The following STK17B variants were observed in gnomAD, a reference collection of about 807,000 sequenced individuals.
STK17B encodes the protein serine/threonine kinase 17b, also known as serine/threonine-protein kinase 17B.
A neutral mutation model predicts 42.0 loss-of-function variants in STK17B; 21 were observed. The ratio of observed to expected loss-of-function variants is 0.50; its 90% CI spans 0.35 to 0.72. The LOEUF (loss-of-function observed/expected upper bound fraction) is 0.72. Among genes scored for constraint, STK17B ranks in the 30% least tolerant of loss-of-function variants. The probability of loss-of-function intolerance (pLI) is 0.00; values close to 1 mark genes in which losing one functional copy is unlikely to be tolerated. For missense variants in STK17B, 349 were observed against 446.0 expected (o/e 0.78, Z 1.96); for synonymous variants, 143 against 148.4 (o/e 0.96, Z 0.26).
In STK17B at chr2:196,143,691, A is replaced by C; in HGVS notation, c.481-5T>G. On this transcript the variant is annotated splice_region_variant and splice_polypyrimidine_tract_variant and intron_variant, in intron 4 of 7. Coordinates refer to ENST00000263955, the MANE Select transcript of STK17B (RefSeq NM_004226.4). The stretch of plus-strand genomic sequence containing the variant: ...GCTCAGTAATATATTCTGTGGCTAA[A>C]CAAAGTACAACAAAAACATGATAAG... 6.7e-7 allele frequency: 1 copy of C among 1,501,386 alleles called. No homozygotes were observed. Among genetic ancestry groups the C allele is most frequent in the Non-Finnish European group, 8.9e-7 (1 of 1,124,282 alleles). The allele number at this position is 1,501,386 out of a possible 1,614,324, so 93.0% of individuals were successfully genotyped here. A position where few individuals can be genotyped will look rare whatever the true frequency, so the allele number is the denominator to read the frequency against.
At position 196,135,270 on chromosome 2, in the gene STK17B, C is replaced by T. The variant is rs1699381805; in HGVS notation, c.*2177G>A. On this transcript the variant is annotated 3_prime_UTR_variant, in exon 8 of 8. Coordinates refer to ENST00000263955, the MANE Select transcript of STK17B (RefSeq NM_004226.4). Reference sequence around the variant, plus strand: ...TTTCATTATCCAATGACTTACTAAACTTTACTTGCATTATCTTAATACCAA... The same window carrying T: ...TTTCATTATCCAATGACTTACTAAATTTTACTTGCATTATCTTAATACCAA... 6.6e-6 allele frequency: 1 copy of T among 152,098 alleles called. No homozygotes were observed. Among genetic ancestry groups the T allele is most frequent in the Non-Finnish European group, 1.5e-5 (1 of 68,002 alleles). 9.4% of individuals were successfully genotyped at this position (152,098 alleles called of 1,614,324 possible).
chr2:196,145,474 A>G (rs1468156518), intron 4 of STK17B, among the ~76,000 whole-genome samples: 3 of 152,198 alleles, frequency 2.0e-5, no homozygotes, highest in Non-Finnish European at 4.4e-5. Context: ...GAAGAAGCCA[A>G]AAGACTGAAA....
At chr2:196,173,846 A>G (rs934037765), upstream of STK17B, among the ~76,000 whole-genome samples, 2 of 152,134 alleles carry the variant, frequency 1.3e-5, no homozygotes, top group African/African-American at 4.8e-5. Flanking sequence ...TTGAAATTCT[A>G]ACCCTCAGGA....
chr2:196,137,290 G>A lies in STK17B; in HGVS notation c.*157C>T, dbSNP rs1037468618. The A allele has an allele frequency of 4.2e-6, 3 of 721,872 alleles. No individual in the cohort carries two copies. Among genetic ancestry groups the A allele is most frequent in the Admixed American group, 6.8e-5 (2 of 29,526 alleles). The allele number at this position is 721,872 out of a possible 1,614,324, so 44.7% of individuals were successfully genotyped here. A position where few individuals can be genotyped will look rare whatever the true frequency, so the allele number is the denominator to read the frequency against. On this transcript the variant is annotated 3_prime_UTR_variant, in exon 8 of 8. Coordinates refer to ENST00000263955, the MANE Select transcript of STK17B (RefSeq NM_004226.4). ...CAGGATATGAAATCATAACATGCTA[G>A]CAACTAGTAATTTAACATTAAAACA...
intron 3 of STK17B, among the ~76,000 whole-genome samples, chr2:196,152,071 T>C (rs777754711): frequency 5.3e-5 from 8 of 150,946 alleles, no homozygotes; most frequent in Non-Finnish European, 1.0e-4. Context: ...CTAGATTGAT[T>C]CATATAATTA....
At chr2:196,148,939 GCT>G (rs976148163) in intron 3 of STK17B, among the ~76,000 whole-genome samples, 3 of 152,134 alleles carry the variant, frequency 2.0e-5, no homozygotes, top group African/African-American at 7.2e-5. Context: ...TTTCACTCTA[GCT>G]CTGTCACTAA....
In STK17B at chr2:196,133,898, T is replaced by G. The variant is rs1388204007; in HGVS notation, c.*3549A>C. On this transcript the variant is annotated 3_prime_UTR_variant, in exon 8 of 8. Transcript: ENST00000263955. ...TCTTTAAAATACTTTTATAAAATTA[T>G]AAATTGATAATAATCCCCCCAAACT... The G allele has an allele frequency of 6.6e-6, 1 of 152,236 alleles. No homozygotes were observed. The highest frequency in any genetic ancestry group is 1.9e-4 in the East Asian group (1 of 5,206). 9.4% of individuals were successfully genotyped at this position (152,236 alleles called of 1,614,324 possible).
rs187649164 is a variant in STK17B at position 196,159,418 on chromosome 2, C to A, written c.123-2767G>T. Among the ~76,000 whole-genome samples the A allele has an allele frequency of 4.0e-5, 6 of 151,058 alleles. No individual in the cohort carries two copies. The East Asian group carries it at 1.2e-3, about 30-fold the overall frequency. On this transcript the variant is annotated intron_variant, in intron 2 of 7. Coordinates refer to ENST00000263955, the MANE Select transcript of STK17B (RefSeq NM_004226.4). ...CTCAACCTCCCAGGCTCAGAAGATTCTCTTACTTCAGCCTCCTGTGTAGCT... is the reference window on the plus strand; with the variant it reads ...CTCAACCTCCCAGGCTCAGAAGATTATCTTACTTCAGCCTCCTGTGTAGCT...
chr2:196,137,399 T>G lies in STK17B; in HGVS notation c.*48A>C, dbSNP rs1280854882. On this transcript the variant is annotated 3_prime_UTR_variant, in exon 8 of 8. Transcript: ENST00000263955. ...GCTACAAATCATAATCTCACTGGAG[T>G]GGATATAAAATTTCAAATTCAGTCC... 3 of 1,562,208 alleles carry G rather than the reference T, an allele frequency of 1.9e-6. No individual in the cohort carries two copies. The South Asian group carries it at 3.6e-5, about 19-fold the overall frequency.
chr2:196,151,675 CA>C (rs1699668087), intron 3 of STK17B, among the ~76,000 whole-genome samples: 1 of 152,062 alleles, frequency 6.6e-6, no homozygotes. Context: ...TTTAATTCTA[CA>C]AATATGCTTT....
chr2:196,142,321 G>T (rs908062878), intron 5 of STK17B, among the ~76,000 whole-genome samples: 2 of 152,146 alleles, frequency 1.3e-5, no homozygotes, highest in Non-Finnish European at 2.9e-5. Context: ...GCCTCCCAAA[G>T]TGCTGGGATT....
rs1392513943 is a variant in STK17B at position 196,134,873 on chromosome 2, A to T, written c.*2574T>A. 6.6e-6 allele frequency: 1 copy of T among 152,204 alleles called. No homozygotes were observed. Among genetic ancestry groups the T allele is most frequent in the East Asian group, 1.9e-4 (1 of 5,200 alleles). 9.4% of individuals were successfully genotyped at this position (152,204 alleles called of 1,614,324 possible). The stretch of plus-strand genomic sequence containing the variant: ...ATACATTATGCTTTTCAATCTTGGG[A>T]GAAAAAGAGTAAGAATTGAATCATT... On this transcript the variant is annotated 3_prime_UTR_variant, in exon 8 of 8. Transcript: ENST00000263955.
At position 196,156,656 on chromosome 2, in the gene STK17B, G is replaced by T; in HGVS notation, c.123-5C>A. On this transcript the variant is annotated splice_region_variant and splice_polypyrimidine_tract_variant and intron_variant, in intron 2 of 7. Transcript: ENST00000263955. The stretch of plus-strand genomic sequence containing the variant: ...CTAACCACAGCAAATTTTCCTCTGG[G>T]GGAAGATGAGAACAATCAATTTTAA... The T allele has an allele frequency of 6.2e-7, 1 of 1,604,202 alleles. No homozygotes were observed. The highest frequency in any genetic ancestry group is 8.5e-7 in the Non-Finnish European group (1 of 1,173,894).
chr2:196,150,033 GA>G (rs1699641674), intron 3 of STK17B, among the ~76,000 whole-genome samples: 1 of 151,976 alleles, frequency 6.6e-6, no homozygotes, highest in South Asian at 2.1e-4. Context: ...CGAAAATTAG[GA>G]AGACTTAAGA....
At chr2:196,149,836 A>T (rs1699639133) in intron 3 of STK17B, among the ~76,000 whole-genome samples, 1 of 152,212 alleles carries the variant, frequency 6.6e-6, no homozygotes, top group African/African-American at 2.4e-5. Flanking sequence ...AATGGGTGTT[A>T]CTTTTATAAT....
chr2:196,141,714 A>G (rs1034163292), intron 5 of STK17B, among the ~76,000 whole-genome samples: 9 of 152,194 alleles, frequency 5.9e-5, no homozygotes, highest in African/African-American at 1.9e-4. Flanking sequence ...ATATAAGACG[A>G]TAGAAATTTA....
Position 196,136,664 on chromosome 2 carries a change from C to T in STK17B, c.*783G>A, listed in dbSNP as rs1310722395. 1 of 152,144 alleles carries T rather than the reference C, an allele frequency of 6.6e-6. No individual in the cohort carries two copies. Among genetic ancestry groups the T allele is most frequent in the Non-Finnish European group, 1.5e-5 (1 of 68,040 alleles). 9.4% of individuals were successfully genotyped at this position (152,144 alleles called of 1,614,324 possible). ...TTTAACTATACCTAAGTATCTTCTA[C>T]TCTAGAAATTCTGGAGGATTAAAAA... On this transcript the variant is annotated 3_prime_UTR_variant, in exon 8 of 8. Transcript: ENST00000263955.
chr2:196,137,405 T>A lies in STK17B; in HGVS notation c.*42A>T. On this transcript the variant is annotated 3_prime_UTR_variant, in exon 8 of 8. Coordinates refer to ENST00000263955, the MANE Select transcript of STK17B (RefSeq NM_004226.4). Reference sequence around the variant, plus strand: ...AATCATAATCTCACTGGAGTGGATATAAAATTTCAAATTCAGTCCAAATGA... The same window carrying A: ...AATCATAATCTCACTGGAGTGGATAAAAAATTTCAAATTCAGTCCAAATGA... 1 of 1,584,824 alleles carries A rather than the reference T, an allele frequency of 6.3e-7. No individual in the cohort carries two copies. Among genetic ancestry groups the A allele is most frequent in the Non-Finnish European group, 8.6e-7 (1 of 1,165,802 alleles).
At chr2:196,170,056 T>C (rs2105718533) in intron 1 of STK17B, among the ~76,000 whole-genome samples, 1 of 152,284 alleles carries the variant, frequency 6.6e-6, no homozygotes, top group African/African-American at 2.4e-5. Context: ...TATGGACCAG[T>C]TTTCTTAAAA....
Sources: gnomAD v4.1 joint callset for allele counts (sites outside exome capture counted in the v4.1 genomes callset) on GRCh38, gnomAD v4.1.1 for gene constraint, MANE v1.5 for transcripts, NCBI Gene and HGNC (gene_info 2026-07-23, HGNC 2026-07-21) for gene names.